Variants in SLC25A30 observed in about 807,000 individuals in gnomAD.
SLC25A30 encodes the protein kidney mitochondrial carrier protein 1.
SLC25A30 carries 29 observed loss-of-function variants against 42.7 expected under a neutral mutation model. The observed-to-expected ratio is 0.68, with a 90% CI of 0.51 to 0.93. The LOEUF (loss-of-function observed/expected upper bound fraction) is 0.93, where lower values mean the gene tolerates loss of function less well. Ranked by LOEUF, SLC25A30 falls within the 40% of genes least tolerant of loss-of-function variation. The probability of loss-of-function intolerance (pLI) is 0.00; values close to 1 mark genes in which losing one functional copy is unlikely to be tolerated. For missense variants in SLC25A30, 300 were observed against 359.7 expected (o/e 0.83, Z 1.34); for synonymous variants, 124 against 131.0 (o/e 0.95, Z 0.37).
chr13:45,400,976 C>T, intron 7 of SLC25A30, 107 bp downstream of exon 7: 1 of 975,096 alleles, frequency 1.0e-6, no homozygotes, highest in Non-Finnish European at 1.5e-6. Flanking sequence ...TCTACCTGGT[C>T]CTGCTTCACT....
chr13:45,396,141 T>C, intron 9 of SLC25A30, 126 bp from the exon 10 acceptor site: 2 of 1,589,752 alleles, frequency 1.3e-6, no homozygotes, highest in South Asian at 2.3e-5. Context: ...ATGGACACGA[T>C]TAAATAAAAG....
chr13:45,423,667 A>G, the SLC25A30 span, among the ~76,000 whole-genome samples: 1 of 25,804 alleles, frequency 3.9e-5, no homozygotes, highest in Non-Finnish European at 7.1e-5. Flanking sequence ...AAATATATAT[A>G]AAATACATAT....
Position 45,394,369 on chromosome 13 carries a change from A to G in SLC25A30, c.*1605T>C, listed in dbSNP as rs1881161985. On this transcript the variant is annotated 3_prime_UTR_variant, in exon 10 of 10. Coordinates refer to ENST00000519676, the MANE Select transcript of SLC25A30 (RefSeq NM_001010875.4). ...GGAAGGCAAGGGAAAAATGCCTGCG[A>G]GGAAAAATTATCTCATCCTCCAAAA... 5 of 985,184 alleles carry G rather than the reference A, an allele frequency of 5.1e-6. No individual in the cohort carries two copies. Among genetic ancestry groups the G allele is most frequent in the Non-Finnish European group, 6.0e-6 (5 of 829,914 alleles). 61.0% of individuals were successfully genotyped at this position (985,184 alleles called of 1,614,324 possible). A position where few individuals can be genotyped will look rare whatever the true frequency, so the allele number is the denominator to read the frequency against.
chr13:45,423,651 T>A, the SLC25A30 span, among the ~76,000 whole-genome samples: 22 of 67,886 alleles, frequency 3.2e-4, no homozygotes, highest in African/African-American at 1.4e-3. Context: ...AAATACATAT[T>A]TATATAAATA....
the SLC25A30 span, among the ~76,000 whole-genome samples, chr13:45,424,892 T>TTAAATATATATAAATATATA: frequency 3.0e-5 from 1 of 32,836 alleles, no homozygotes; most frequent in Non-Finnish European, 5.1e-5. Flanking sequence ...AAATATATAT[T>TTAAATATATATAAATATATA]TAAATATATA....
In SLC25A30 at chr13:45,397,675, G is replaced by A. The variant is rs752753040; in HGVS notation, c.754-337C>T. ...CACGCCACTGCACTCCAGCCTGGGC[G>A]ACAAAGCGAGACTCCATCTCAAAAA... On this transcript the variant is annotated intron_variant, in intron 8 of 9. Coordinates refer to ENST00000519676, the MANE Select transcript of SLC25A30 (RefSeq NM_001010875.4). 1.4e-4 allele frequency: 25 copies of A among 174,704 alleles called. 1 individual carries two copies. The highest frequency in any genetic ancestry group is 7.5e-4 in the Admixed American group (12 of 16,004). 10.8% of individuals were successfully genotyped at this position (174,704 alleles called of 1,614,324 possible). A position where few individuals can be genotyped will look rare whatever the true frequency, so the allele number is the denominator to read the frequency against.
intron 8 of SLC25A30, chr13:45,397,978 G>A: frequency 1.0e-6 from 1 of 985,332 alleles, no homozygotes; most frequent in Non-Finnish European, 1.2e-6. Flanking sequence ...AAGCAATAGT[G>A]GTAGAGATAT....
intron 7 of SLC25A30, among the ~76,000 whole-genome samples, chr13:45,400,035 C>CATATAT (rs1308097342): frequency 2.2e-4 from 25 of 111,624 alleles, no homozygotes; most frequent in African/African-American, 7.7e-4. Context: ...TATATATATA[C>CATATAT]ACACACACAC....
chr13:45,405,762 G>C (rs1882438401), intron 4 of SLC25A30, 121 bp downstream of exon 4: 1 of 797,398 alleles, frequency 1.3e-6, no homozygotes, highest in Admixed American at 2.7e-5. Flanking sequence ...TTTACACCCA[G>C]AGTTCTTGTA....
chr13:45,412,359 G>A (rs1356493170), intron 1 of SLC25A30, among the ~76,000 whole-genome samples: 2 of 152,098 alleles, frequency 1.3e-5, no homozygotes, highest in African/African-American at 4.8e-5. Flanking sequence ...CTCCCAAAGT[G>A]CTGGGAAAAG....
At chr13:45,426,612 T>C in the SLC25A30 span, among the ~76,000 whole-genome samples, 2 of 152,094 alleles carry the variant, frequency 1.3e-5, no homozygotes, top group African/African-American at 4.8e-5. Context: ...GTTCATTTGG[T>C]AAAAGGGGAA....
chr13:45,407,487 G>A (rs1882628460), intron 3 of SLC25A30, among the ~76,000 whole-genome samples: 1 of 152,154 alleles, frequency 6.6e-6, no homozygotes, highest in African/African-American at 2.4e-5. Context: ...TTGAGCCTGG[G>A]AGGTAGAGGC....
the SLC25A30 span, among the ~76,000 whole-genome samples, chr13:45,423,790 A>G: frequency 0.025 from 1,852 of 75,140 alleles, 173 homozygotes; most frequent in African/African-American, 0.1. Flanking sequence ...ATATAAATAT[A>G]TAAATATATA....
chr13:45,396,362 A>C (rs887119665), intron 9 of SLC25A30: 22 of 1,136,070 alleles, frequency 1.9e-5, no homozygotes, highest in African/African-American at 3.2e-5. Flanking sequence ...AAGCCCTGGG[A>C]AGCTCTCCTC....
At chr13:45,425,309 A>AAT in the SLC25A30 span, among the ~76,000 whole-genome samples, 17,546 of 105,512 alleles carry the variant, frequency 0.17, 2,080 homozygotes, top group African/African-American at 0.34. Flanking sequence ...CGTATATATA[A>AAT]ATATATATGT....
At chr13:45,401,340 A>G (rs756739928) in intron 6 of SLC25A30, 133 bp from the exon 7 acceptor site, 4 of 879,716 alleles carry the variant, frequency 4.5e-6, no homozygotes, top group Non-Finnish European at 6.9e-6. Flanking sequence ...AGAAATGTAG[A>G]GTGACAGAGC....
chr13:45,404,513 T>A, intron 4 of SLC25A30, 101 bp from the exon 5 acceptor site: 1 of 839,424 alleles, frequency 1.2e-6, no homozygotes, highest in Non-Finnish European at 2.0e-6. Flanking sequence ...TTGTTCACCT[T>A]AAGATGTAAA....
At chr13:45,406,420 T>G (rs914184023) in intron 3 of SLC25A30, among the ~76,000 whole-genome samples, 2 of 152,168 alleles carry the variant, frequency 1.3e-5, no homozygotes, top group African/African-American at 4.8e-5. Flanking sequence ...CACAGGTGGG[T>G]CCAGATGTGC....
At chr13:45,428,957 G>A in the SLC25A30 span, among the ~76,000 whole-genome samples, 1 of 150,832 alleles carries the variant, frequency 6.6e-6, no homozygotes, top group East Asian at 2.0e-4. Flanking sequence ...ATATGATGGA[G>A]CAATGACTTA....
Sources: allele counts gnomAD v4.1 joint callset (sites outside exome capture counted in the v4.1 genomes callset), GRCh38; gene constraint gnomAD v4.1.1; transcripts MANE v1.5; gene names NCBI Gene and HGNC (gene_info 2026-07-23, HGNC 2026-07-21).